Variants in SGPP1 observed in about 807,000 individuals in gnomAD.
SGPP1 encodes hSPP1.
SGPP1 carries 21 observed loss-of-function variants against 33.0 expected under a neutral mutation model. The observed-to-expected ratio is 0.64, with a 90% CI of 0.45 to 0.92. The LOEUF is 0.92. Ranked by LOEUF, SGPP1 falls within the 40% of genes least tolerant of loss-of-function variation. The probability of loss-of-function intolerance (pLI) is 0.00; values close to 1 mark genes in which losing one functional copy is unlikely to be tolerated. For missense variants in SGPP1, 543 were observed against 589.4 expected, an observed-to-expected ratio of 0.92 and a Z score of 0.81; for synonymous variants, 239 against 241.2, an observed-to-expected ratio of 0.99 and a Z score of 0.08.
intron 2 of SGPP1, among the ~76,000 whole-genome samples, chr14:63,690,576 G>T (rs1326088848): frequency 6.6e-6 from 1 of 152,074 alleles, no homozygotes; most frequent in Non-Finnish European, 1.5e-5. Context: ...AATATTTTTT[G>T]GATGGATGAA....
chr14:63,711,570 T>A (rs2139647242), intron 1 of SGPP1, among the ~76,000 whole-genome samples: 1 of 152,300 alleles, frequency 6.6e-6, no homozygotes, highest in Non-Finnish European at 1.5e-5. Flanking sequence ...CAGAATTCAC[T>A]CTTCTTTGGG....
chr14:63,719,241 C>A (rs1047077838), intron 1 of SGPP1, among the ~76,000 whole-genome samples: 1 of 150,266 alleles, frequency 6.7e-6, no homozygotes, highest in Non-Finnish European at 1.5e-5. Flanking sequence ...CTGACCTCGG[C>A]TGATCCGCCC....
At chr14:63,697,628 A>G (rs546492109) in intron 2 of SGPP1, among the ~76,000 whole-genome samples, 2 of 152,324 alleles carry the variant, frequency 1.3e-5, no homozygotes, top group African/African-American at 2.4e-5. Context: ...GCAATTTAGG[A>G]TAAGTGGGGA....
intron 1 of SGPP1, among the ~76,000 whole-genome samples, chr14:63,709,028 G>A (rs1028691973): frequency 6.6e-6 from 1 of 152,114 alleles, no homozygotes; most frequent in Non-Finnish European, 1.5e-5. Context: ...GTTTTTCTTA[G>A]AATGAAGGCT....
At chr14:63,703,140 T>C (rs1040395075) in intron 1 of SGPP1, among the ~76,000 whole-genome samples, 3 of 151,816 alleles carry the variant, frequency 2.0e-5, no homozygotes, top group African/African-American at 7.3e-5. Context: ...AATTAATAAA[T>C]GAATTCAGCA....
chr14:63,699,971 C>A (rs780577111), intron 1 of SGPP1, among the ~76,000 whole-genome samples: 16 of 151,956 alleles, frequency 1.1e-4, no homozygotes, highest in Non-Finnish European at 1.6e-4. Context: ...CTTACCTTTT[C>A]CTTTTTTTTG....
In SGPP1 at chr14:63,727,242, G is replaced by A; in HGVS notation, c.684+19C>T. 1.3e-6 allele frequency: 2 copies of A among 1,593,144 alleles called. No homozygotes were observed. The highest frequency in any genetic ancestry group is 1.7e-6 in the Non-Finnish European group (2 of 1,169,022). ...TCTTTGAACTCCCCCAGGCTGAACAGGACGAGAAGGAACCCTACCTGCCAG... is the reference window on the plus strand; with the variant it reads ...TCTTTGAACTCCCCCAGGCTGAACAAGACGAGAAGGAACCCTACCTGCCAG... On this transcript the variant is annotated intron_variant, in intron 1 of 2. Transcript: ENST00000247225.
Position 63,710,376 on chromosome 14 carries a change from TGAA to T in SGPP1, c.685-11721_685-11719del, listed in dbSNP as rs556764138. Reference sequence around the variant, plus strand: ...TATAAACCAAATTTATTGGTTATAATGAAGTAGTTAAAAATATGAGTTTATAGA... The same window carrying T: ...TATAAACCAAATTTATTGGTTATAATGTAGTTAAAAATATGAGTTTATAGA... On this transcript the variant is annotated intron_variant, in intron 1 of 2. Transcript: ENST00000247225. Among the ~76,000 whole-genome samples, 17 of 152,356 alleles carry T rather than the reference TGAA, an allele frequency of 1.1e-4. No homozygotes were observed. The East Asian group carries it at 3.3e-3, about 29-fold the overall frequency.
intron 1 of SGPP1, among the ~76,000 whole-genome samples, chr14:63,705,857 T>C (rs1260687591): frequency 6.6e-6 from 1 of 152,194 alleles, no homozygotes; most frequent in Non-Finnish European, 1.5e-5. Flanking sequence ...GCAGCTGCTA[T>C]GAAAAGCAGT....
In SGPP1 at chr14:63,686,313, A is replaced by G. The variant is rs1202343854; in HGVS notation, c.1118T>C (p.Met373Thr). The change falls in exon 3 of 3, where the codon ATG becomes ACG. Residue 373 changes from methionine to threonine, a missense_variant. Physicochemically the swap from Met to Thr is moderately conservative, Grantham distance 81. Coordinates refer to ENST00000247225, the MANE Select transcript of SGPP1 (RefSeq NM_030791.4). ...GKAILRILIGMVFVLIIRDVM... is the reference protein window; with the variant it reads ...GKAILRILIGTVFVLIIRDVM... ...ATCTCTGATTATTAGTACAAATACCATCCCTATGAGGATCCGCAATATGGC... is the reference window on the plus strand; with the variant it reads ...ATCTCTGATTATTAGTACAAATACCGTCCCTATGAGGATCCGCAATATGGC... The G allele has an allele frequency of 1.2e-6, 2 of 1,614,070 alleles. No individual in the cohort carries two copies. The highest frequency in any genetic ancestry group is 2.2e-5 in the South Asian group (2 of 91,064).
chr14:63,707,040 C>CAAAAAA (rs747329924), intron 1 of SGPP1, among the ~76,000 whole-genome samples: 1 of 66,332 alleles, frequency 1.5e-5, no homozygotes, highest in Middle Eastern at 7.7e-3. Flanking sequence ...GACTCTGTCC[C>CAAAAAA]AAAAAAAAAA....
chr14:63,686,548 T>C lies in SGPP1; in HGVS notation c.883A>G (p.Ile295Val). 1.2e-6 allele frequency: 2 copies of C among 1,614,094 alleles called. No homozygotes were observed. The highest frequency in any genetic ancestry group is 1.3e-5 in the African/African-American group (1 of 75,040). Residue 295 changes from isoleucine to valine, a missense_variant, in exon 3 of 3, where the codon ATC (isoleucine) becomes GTC (valine). Transcript: ENST00000247225. The stretch of plus-strand genomic sequence containing the variant: ...CCCAAAGCTAAATGAAGCCCGATGA[T>C]GATGAATGGAGCATATTTGTGAGTT... ...NQTHKYAPFI[I>V]IGLHLALGIF...
chr14:63,718,482 T>C (rs1251958247), intron 1 of SGPP1, among the ~76,000 whole-genome samples: 5 of 152,050 alleles, frequency 3.3e-5, no homozygotes, highest in African/African-American at 1.2e-4. Context: ...TCCAAAACCA[T>C]ATTGGGACAT....
At chr14:63,700,985 A>AT (rs887393766) in intron 1 of SGPP1, among the ~76,000 whole-genome samples, 106 of 146,510 alleles carry the variant, frequency 7.2e-4, no homozygotes, top group Admixed American at 1.3e-3. Context: ...GTAACACAAG[A>AT]TTTTTTTTTT....
intron 1 of SGPP1, among the ~76,000 whole-genome samples, chr14:63,723,953 C>T (rs1422952224): frequency 3.3e-5 from 5 of 152,082 alleles, no homozygotes; most frequent in Non-Finnish European, 5.9e-5. Context: ...TCACACCTCA[C>T]TGCAGCCTCA....
intron 1 of SGPP1, among the ~76,000 whole-genome samples, chr14:63,715,031 T>C (rs199814012): frequency 6.6e-6 from 1 of 150,828 alleles, no homozygotes; most frequent in African/African-American, 2.4e-5. Context: ...CCGACCTTTT[T>C]TTTTTTTTTT....
At chr14:63,718,994 ATATATATATATATATATATATTT>A (rs1428105660) in intron 1 of SGPP1, among the ~76,000 whole-genome samples, 30 of 18,090 alleles carry the variant, frequency 1.7e-3, no homozygotes, top group African/African-American at 8.0e-3. Context: ...ATATATATAT[ATATATATATATATATATATATTT>A]TTTTTTTTTT....
At chr14:63,718,984 A>ATATATATATC (rs1243411500) in intron 1 of SGPP1, among the ~76,000 whole-genome samples, 4 of 12,972 alleles carry the variant, frequency 3.1e-4, no homozygotes, top group Non-Finnish European at 5.6e-4. Flanking sequence ...ATACATATAT[A>ATATATATATC]TATATATATA....
intron 2 of SGPP1, among the ~76,000 whole-genome samples, chr14:63,690,701 A>T (rs2139627706): frequency 6.6e-6 from 1 of 152,344 alleles, no homozygotes; most frequent in East Asian, 1.9e-4. Flanking sequence ...GATAGATATA[A>T]GAAAATATTT....
Sources: allele counts gnomAD v4.1 joint callset (sites outside exome capture counted in the v4.1 genomes callset), GRCh38; gene constraint gnomAD v4.1.1; transcripts MANE v1.5; gene names NCBI Gene and HGNC (gene_info 2026-07-23, HGNC 2026-07-21).